The following ANTXR1 variants were observed in gnomAD, a reference collection of about 807,000 sequenced individuals.
ANTXR1 encodes the protein ANTXR cell adhesion molecule 1, also known as anthrax toxin receptor 1.
ANTXR1 carries 19 observed loss-of-function variants against 78.1 expected under a neutral mutation model. That is an observed-to-expected ratio of 0.24 (90% CI 0.17 to 0.36). ANTXR1 has a LOEUF of 0.36. Ranked by LOEUF, ANTXR1 falls within the 10% of genes least tolerant of loss-of-function variation. ANTXR1 has a pLI of 1.00. For synonymous variants in ANTXR1, 273 were observed against 260.5 expected (o/e 1.05, Z -0.46); for missense variants, 518 against 718.6 (o/e 0.72, Z 3.19).
intron 3 of ANTXR1, among the ~76,000 whole-genome samples, chr2:69,052,559 AT>A (rs1669957652): frequency 6.6e-6 from 1 of 151,960 alleles, no homozygotes; most frequent in South Asian, 2.1e-4. Context: ...TATCATACAT[AT>A]TTTTTTAAAT....
At chr2:69,244,375 GACA>G (rs1394894120) in intron 17 of ANTXR1, among the ~76,000 whole-genome samples, 1 of 152,226 alleles carries the variant, frequency 6.6e-6, no homozygotes, top group Non-Finnish European at 1.5e-5. Context: ...CAGTTCCTGT[GACA>G]ACAACTAAGG....
At chr2:69,203,707 C>T (rs970432234) in intron 17 of ANTXR1, among the ~76,000 whole-genome samples, 3 of 152,004 alleles carry the variant, frequency 2.0e-5, no homozygotes, top group Non-Finnish European at 2.9e-5. Flanking sequence ...TTTCCACAAG[C>T]ATTACACACT....
chr2:69,197,890 A>G (rs1674700100), intron 17 of ANTXR1, among the ~76,000 whole-genome samples: 1 of 152,240 alleles, frequency 6.6e-6, no homozygotes, highest in South Asian at 2.1e-4. Context: ...CCATGATGAT[A>G]TGGCGTGTCA....
rs145344600 is a variant in ANTXR1 at position 69,129,806 on chromosome 2, G to A, written c.951+5163G>A. On this transcript the variant is annotated intron_variant, in intron 12 of 17. Transcript: ENST00000303714. ...TAAAGAACAAGATTGTATGAGTCAG[G>A]TGTAAATGCCATAGGATTTCAGAGC... 8.7e-4 allele frequency among the ~76,000 whole-genome samples: 133 copies of A among 152,182 alleles called. 2 individuals are homozygous for A. The East Asian group carries it at 0.018, about 21-fold the overall frequency.
At chr2:69,182,748 C>T in intron 16 of ANTXR1, 88 bp downstream of exon 16, 1 of 1,569,172 alleles carries the variant, frequency 6.4e-7, no homozygotes, top group Non-Finnish European at 8.8e-7. Context: ...ATGATAAAAT[C>T]CCAACCTAAA....
At chr2:69,036,098 A>G (rs2104051347) in intron 1 of ANTXR1, among the ~76,000 whole-genome samples, 1 of 152,364 alleles carries the variant, frequency 6.6e-6, no homozygotes, top group East Asian at 1.9e-4. Flanking sequence ...ATATTAACAC[A>G]AAAAGGATTT....
chr2:69,021,048 A>G (rs1169647891), intron 1 of ANTXR1, among the ~76,000 whole-genome samples: 1 of 152,220 alleles, frequency 6.6e-6, no homozygotes, highest in African/African-American at 2.4e-5. Context: ...AGGATTTGGG[A>G]AAGGGGCCAA....
intron 1 of ANTXR1, among the ~76,000 whole-genome samples, chr2:69,018,800 T>C (rs1211716105): frequency 3.3e-5 from 5 of 152,168 alleles, no homozygotes; most frequent in Non-Finnish European, 7.3e-5. Flanking sequence ...GAGAAGCACA[T>C]GGCAATACAA....
At chr2:69,125,151 G>A (rs1157023104) in intron 12 of ANTXR1, among the ~76,000 whole-genome samples, 2 of 152,148 alleles carry the variant, frequency 1.3e-5, no homozygotes, top group East Asian at 1.9e-4. Flanking sequence ...AATAATCCAG[G>A]AGAAAATGGA....
At chr2:69,165,030 T>C (rs1558614182) in intron 13 of ANTXR1, among the ~76,000 whole-genome samples, 1 of 152,176 alleles carries the variant, frequency 6.6e-6, no homozygotes, top group Non-Finnish European at 1.5e-5. Context: ...CAAAGTGTGG[T>C]CCCTAGACCA....
intron 16 of ANTXR1, among the ~76,000 whole-genome samples, chr2:69,190,652 A>G (rs1674523940): frequency 6.6e-6 from 1 of 152,180 alleles, no homozygotes; most frequent in Non-Finnish European, 1.5e-5. Flanking sequence ...TACTCATCTA[A>G]CCCATAGAGC....
chr2:69,048,542 G>A (rs1669842635), intron 3 of ANTXR1, among the ~76,000 whole-genome samples: 1 of 152,004 alleles, frequency 6.6e-6, no homozygotes, highest in African/African-American at 2.4e-5. Flanking sequence ...TATGATATAA[G>A]GTACAAGGTC....
chr2:69,101,090 C>A (rs551706979), intron 9 of ANTXR1, among the ~76,000 whole-genome samples: 1 of 152,178 alleles, frequency 6.6e-6, no homozygotes, highest in African/African-American at 2.4e-5. Context: ...GTGAAGGCCT[C>A]TTATACTTCT....
In ANTXR1 at chr2:69,083,141, G is replaced by C. The variant is rs983856816; in HGVS notation, c.642+5653G>C. Among the ~76,000 whole-genome samples the C allele has an allele frequency of 6.6e-5, 10 of 152,294 alleles. No individual in the cohort carries two copies. The Middle Eastern group carries it at 0.02, about 311-fold the overall frequency. On this transcript the variant is annotated intron_variant, in intron 8 of 17. Coordinates refer to ENST00000303714, the MANE Select transcript of ANTXR1 (RefSeq NM_032208.3). The stretch of plus-strand genomic sequence containing the variant: ...CTGGCCCAGGCCCTAACAAAGCTGT[G>C]ATAAAAGGTGAAATCTGTCTTCCAG...
At chr2:69,100,944 T>A (rs1034693601) in intron 9 of ANTXR1, among the ~76,000 whole-genome samples, 2 of 152,206 alleles carry the variant, frequency 1.3e-5, no homozygotes, top group Non-Finnish European at 2.9e-5. Flanking sequence ...TCCTTCATAG[T>A]CATAGGACTT....
At chr2:69,116,299 C>G (rs1213890330) in intron 10 of ANTXR1, among the ~76,000 whole-genome samples, 2 of 152,212 alleles carry the variant, frequency 1.3e-5, no homozygotes, top group African/African-American at 4.8e-5. Flanking sequence ...AATCAGTCAT[C>G]TCCATTCTCT....
intron 9 of ANTXR1, 121 bp from the exon 10 acceptor site, chr2:69,102,721 A>C: frequency 9.4e-7 from 1 of 1,065,530 alleles, no homozygotes; most frequent in Non-Finnish European, 1.4e-6. Flanking sequence ...TGTTCAACCT[A>C]AATTAATTTT....
intron 12 of ANTXR1, among the ~76,000 whole-genome samples, chr2:69,148,169 G>C (rs1673279588): frequency 6.6e-6 from 1 of 152,094 alleles, no homozygotes; most frequent in Non-Finnish European, 1.5e-5. Context: ...GGGTTCCCCT[G>C]GGCTCAGGAT....
At chr2:69,221,195 C>T (rs1675310386) in intron 17 of ANTXR1, among the ~76,000 whole-genome samples, 1 of 152,166 alleles carries the variant, frequency 6.6e-6, no homozygotes, top group African/African-American at 2.4e-5. Flanking sequence ...TACAGAGGAG[C>T]AGAGCCCAGT....
Sources: gnomAD v4.1 joint callset for allele counts (sites outside exome capture counted in the v4.1 genomes callset) on GRCh38, gnomAD v4.1.1 for gene constraint, MANE v1.5 for transcripts, NCBI Gene and HGNC (gene_info 2026-07-23, HGNC 2026-07-21) for gene names.